SLC19A1: variants seen among roughly 807,000 people sequenced by gnomAD.
The protein encoded by SLC19A1 is reduced folate transporter.
Under a neutral mutation model 35.3 loss-of-function variants are expected in SLC19A1, and 37 were observed. The observed-to-expected ratio is 1.05, with a 90% confidence interval of 0.81 to 1.38. The LOEUF (loss-of-function observed/expected upper bound fraction) is 1.38, where lower values mean the gene tolerates loss of function less well. Ranked by LOEUF, SLC19A1 falls within the 40% of genes most tolerant of loss-of-function variation. SLC19A1 has a pLI of 0.00. For synonymous variants in SLC19A1, 460 were observed against 398.5 expected (o/e 1.15, Z -1.84); for missense variants, 831 against 826.9 (o/e 1.00, Z -0.06).
At chr21:45,558,843 T>C (rs1029638541) in intron 1 of SLC19A1, among the ~76,000 whole-genome samples, 1 of 150,828 alleles carries the variant, frequency 6.6e-6, no homozygotes, top group African/African-American at 2.4e-5. Flanking sequence ...GGAGTCTGGC[T>C]AGGTCCCCAG....
intron 5 of SLC19A1, among the ~76,000 whole-genome samples, chr21:45,516,884 A>G (rs73370901): frequency 0.025 from 3,825 of 152,310 alleles, 171 homozygotes; most frequent in African/African-American, 0.088. Context: ...CCTGCAGCCC[A>G]TCGGCACCGG....
At chr21:45,505,712 C>T (rs1371909444) in intron 3 of SLC19A1, 6 of 808,262 alleles carry the variant, frequency 7.4e-6, no homozygotes, top group Non-Finnish European at 1.2e-5. Flanking sequence ...GGGCAGCCGC[C>T]TCAGTCCACA....
chr21:45,509,386 G>A (rs746062916), downstream of SLC19A1: 175 of 1,541,420 alleles, frequency 1.1e-4, 2 homozygotes, highest in South Asian at 1.6e-3. Context: ...GCAGCCCCCC[G>A]TGGTGCAGCT....
intron 1 of SLC19A1, among the ~76,000 whole-genome samples, chr21:45,555,002 T>A (rs1453996203): frequency 2.0e-5 from 3 of 150,964 alleles, no homozygotes; most frequent in Non-Finnish European, 4.4e-5. Flanking sequence ...CAGGAGCACG[T>A]CCAGGTTATG....
rs2077864076 is a variant in SLC19A1, at chr21:45,530,962, G to T, written c.959C>A (p.Thr320Lys). 1.4e-6 allele frequency: 2 copies of T among 1,446,810 alleles called. No homozygotes were observed. Among genetic ancestry groups the T allele is most frequent in the Non-Finnish European group, 1.8e-6 (2 of 1,102,586 alleles). The allele number at this position is 1,446,810 out of a possible 1,614,324, so 89.6% of individuals were successfully genotyped here. A position where few individuals can be genotyped will look rare whatever the true frequency, so the allele number is the denominator to read the frequency against. The change falls in exon 4 of 6, where the codon ACG becomes AAG. Residue 320 changes from threonine to lysine, a missense_variant. Thr to Lys is a moderately conservative substitution (Grantham distance 78). Coordinates refer to ENST00000311124, the MANE Select transcript of SLC19A1 (RefSeq NM_194255.4). The surrounding 1 kb of genome is among the most constrained non-coding windows in gnomAD (Gnocchi z 5.3). ...CTTCACGAAGCCCGCGGCGAAGGAC[G>T]TGATGGCGCCTGAGAGGGGAGGGAT... ...DAASTLLGAI[T>K]SFAAGFVKIR...
At chr21:45,531,344 G>A (rs1568999455) in intron 3 of SLC19A1, 45 bp downstream of exon 3, 2 of 1,537,960 alleles carry the variant, frequency 1.3e-6, no homozygotes, top group South Asian at 2.5e-5. Context: ...GAGGTGGACG[G>A]GAAGCCTCTG....
chr21:45,505,291 G>C lies in SLC19A1; in HGVS notation c.498-6679C>G, dbSNP rs759813048. 23 of 1,607,264 alleles carry C rather than the reference G, an allele frequency of 1.4e-5. No individual in the cohort carries two copies. The Admixed American group carries it at 2.5e-4, about 17-fold the overall frequency. On this transcript the variant is annotated intron_variant, in intron 3 of 4. Coordinates refer to the SLC19A1 transcript ENST00000417954. ...CCTCACAGGCAGAGTAAGTCAGTGG[G>C]GAGTGGGCCCCGGGCAGAGGCCGCC...
downstream of SLC19A1, chr21:45,507,724 C>T: frequency 2.3e-6 from 2 of 870,570 alleles, no homozygotes; most frequent in South Asian, 1.4e-5. Flanking sequence ...ACCATCAGCC[C>T]CTGCTGCAGA....
At chr21:45,532,244 T>G in intron 2 of SLC19A1, 96 bp from the exon 3 acceptor site, 1 of 1,014,982 alleles carries the variant, frequency 9.9e-7, no homozygotes, top group Non-Finnish European at 1.5e-6. Flanking sequence ...GACGGCTTCC[T>G]GCCCCAACAC....
At chr21:45,557,198 G>A (rs1055454125) in intron 1 of SLC19A1, among the ~76,000 whole-genome samples, 6 of 152,254 alleles carry the variant, frequency 3.9e-5, no homozygotes, top group African/African-American at 1.4e-4. Context: ...GGCTGCTGAA[G>A]CCCTGGCAGC....
intron 4 of SLC19A1, among the ~76,000 whole-genome samples, chr21:45,529,188 A>G (rs11089011): frequency 0.39 from 58,678 of 151,994 alleles, 12,326 homozygotes; most frequent in South Asian, 0.54. Context: ...GCGGGAGAGA[A>G]GGGTGGGCCG....
downstream of SLC19A1, chr21:45,509,676 T>A: frequency 3.6e-6 from 3 of 844,570 alleles, no homozygotes; most frequent in Non-Finnish European, 3.9e-6. Context: ...GCCCAGCCCC[T>A]GCAGAGCTGC....
intron 1 of SLC19A1, among the ~76,000 whole-genome samples, chr21:45,550,744 A>G (rs2078457292): frequency 2.0e-5 from 3 of 151,734 alleles, no homozygotes; most frequent in African/African-American, 4.8e-5. Context: ...TTCCCTCTCA[A>G]TTTTCACACG....
intron 1 of SLC19A1, among the ~76,000 whole-genome samples, chr21:45,552,131 C>A (rs540526554): frequency 1.3e-5 from 2 of 152,202 alleles, no homozygotes; most frequent in Non-Finnish European, 2.9e-5. Context: ...GTGGTGGGGA[C>A]TGACGGCCTC....
At chr21:45,556,615 G>C in intron 1 of SLC19A1, among the ~76,000 whole-genome samples, 1 of 152,264 alleles carries the variant, frequency 6.6e-6, no homozygotes, top group Non-Finnish European at 1.5e-5. Flanking sequence ...GACGAAACCA[G>C]TCAGTGACAC....
chr21:45,560,624 G>A (rs913212248), intron 1 of SLC19A1, among the ~76,000 whole-genome samples: 2 of 152,248 alleles, frequency 1.3e-5, no homozygotes, highest in South Asian at 2.1e-4. Flanking sequence ...AAGGACGGCC[G>A]CACACGGCGG....
rs1230943856 is a variant in SLC19A1, at chr21:45,515,376, G to A, written c.*282C>T. ...TTGTCTCAAGCCCCCCAAGGGGCAT[G>A]AGCCAGTGAGGCCTGGTGGACGCAG... On this transcript the variant is annotated 3_prime_UTR_variant, in exon 6 of 6. Transcript: ENST00000311124. 8 of 1,437,578 alleles carry A rather than the reference G, an allele frequency of 5.6e-6. No homozygotes were observed. Among genetic ancestry groups the A allele is most frequent in the Middle Eastern group, 5.1e-4 (2 of 3,914 alleles). The allele number at this position is 1,437,578 out of a possible 1,614,324, so 89.1% of individuals were successfully genotyped here. A position where few individuals can be genotyped will look rare whatever the true frequency, so the allele number is the denominator to read the frequency against.
intron 1 of SLC19A1, among the ~76,000 whole-genome samples, chr21:45,551,755 C>T (rs2078468326): frequency 6.6e-6 from 1 of 152,286 alleles, no homozygotes; most frequent in African/African-American, 2.4e-5. Context: ...TCTCTATGCA[C>T]ATCGTGTTTT....
chr21:45,556,939 G>A (rs1223289874), intron 1 of SLC19A1, among the ~76,000 whole-genome samples: 1 of 151,780 alleles, frequency 6.6e-6, no homozygotes, highest in Non-Finnish European at 1.5e-5. Flanking sequence ...TCAGACGCAT[G>A]TGTCTCCTGG....
Sources: gnomAD v4.1 joint callset for allele counts (sites outside exome capture counted in the v4.1 genomes callset) on GRCh38, gnomAD v4.1.1 for gene constraint, Gnocchi (gnomAD v3.1) non-coding constraint, MANE v1.5 for transcripts, NCBI Gene and HGNC (gene_info 2026-07-23, HGNC 2026-07-21) for gene names.